Variants in PPARA observed in about 807,000 individuals in gnomAD.
PPARA encodes the protein peroxisome proliferator activated receptor alpha.
Under a neutral mutation model 42.2 loss-of-function variants are expected in PPARA, and 22 were observed. That is an observed-to-expected ratio of 0.52 (90% CI 0.37 to 0.74). The LOEUF is 0.74. Ranked by LOEUF, PPARA falls within the 30% of genes least tolerant of loss-of-function variation. PPARA has a pLI of 0.00. For synonymous variants in PPARA, 242 were observed against 239.3 expected, an observed-to-expected ratio of 1.01 and a Z score of -0.10; for missense variants, 465 against 608.2, an observed-to-expected ratio of 0.76 and a Z score of 2.48.
At position 46,199,487 on chromosome 22, in the gene PPARA, A is replaced by T. The variant is rs563575409; in HGVS notation, c.208+896A>T. 2.8e-3 allele frequency among the ~76,000 whole-genome samples: 429 copies of T among 151,982 alleles called. 1 individual carries two copies. Among genetic ancestry groups the T allele is most frequent in the African/African-American group, 9.6e-3 (397 of 41,462 alleles). ...ATCTATACAAAAAAAATTTAAAATT[A>T]AAAAAAATTAGCCAGGCATGGTGGT... On this transcript the variant is annotated intron_variant, in intron 4 of 8. Transcript: ENST00000407236.
At chr22:46,226,477 C>T (rs112717467) in intron 7 of PPARA, among the ~76,000 whole-genome samples, 56 of 152,262 alleles carry the variant, frequency 3.7e-4, no homozygotes, top group Middle Eastern at 3.4e-3. Context: ...AGGAATTGGG[C>T]GTGCCGTGTT....
At chr22:46,217,917 G>A (rs1333767500) in intron 5 of PPARA, among the ~76,000 whole-genome samples, 2 of 130,138 alleles carry the variant, frequency 1.5e-5, no homozygotes, top group Admixed American at 9.0e-5. Flanking sequence ...TGCAACCTCC[G>A]CCTCCTGGGT....
chr22:46,181,740 T>C (rs532844653), intron 3 of PPARA, among the ~76,000 whole-genome samples: 1 of 152,208 alleles, frequency 6.6e-6, no homozygotes, highest in East Asian at 1.9e-4. Context: ...CCAGATCAGT[T>C]CCCATACATC....
At position 46,213,500 on chromosome 22, in the gene PPARA, C is replaced by T. The variant is rs536773910; in HGVS notation, c.209-1673C>T. ...TCAGCTCACTACAACCTTTGCCTCC[C>T]GGGTCCAAGCGATTCCCCTGCCTCA... On this transcript the variant is annotated intron_variant, in intron 4 of 8. Coordinates refer to ENST00000407236, the MANE Select transcript of PPARA (RefSeq NM_005036.6). 4.5e-4 allele frequency among the ~76,000 whole-genome samples: 68 copies of T among 151,718 alleles called. 2 individuals are homozygous for T. In the South Asian group the frequency reaches 5.2e-3, roughly 12 times the overall value.
chr22:46,182,400 C>T lies in PPARA; in HGVS notation c.-43+5564C>T, dbSNP rs921379720. 4.6e-5 allele frequency among the ~76,000 whole-genome samples: 7 copies of T among 152,146 alleles called. No individual in the cohort carries two copies. The highest frequency in any genetic ancestry group is 8.8e-5 in the Non-Finnish European group (6 of 68,030). The stretch of plus-strand genomic sequence containing the variant: ...TCAAAAGGAATGGCCTATGAATACC[C>T]ATAACAACATGGATGAATGCTGAAA... On this transcript the variant is annotated intron_variant, in intron 3 of 8. Transcript: ENST00000407236. This position sits in a 1 kb window ranked among gnomAD's most constrained non-coding sequence, Gnocchi z 5.2.
chr22:46,218,576 G>A (rs947946363), intron 6 of PPARA, among the ~76,000 whole-genome samples, 175 bp downstream of exon 6: 2 of 152,146 alleles, frequency 1.3e-5, no homozygotes, highest in African/African-American at 4.8e-5. Flanking sequence ...GTTCACGCCT[G>A]TAATCCCAGC....
rs62226988 is a variant in PPARA at position 46,227,401 on chromosome 22, G to A, written c.712-4391G>A. ...TAAGTAGCTGGGATTACAGGTGCCA[G>A]CCACCACACCCGACTAATTTTTGTA... On this transcript the variant is annotated intron_variant, in intron 7 of 8. Transcript: ENST00000407236. The surrounding 1 kb of genome is among the most constrained non-coding windows in gnomAD (Gnocchi z 4.3). Among the ~76,000 whole-genome samples, 1 of 152,106 alleles carries A rather than the reference G, an allele frequency of 6.6e-6. No individual in the cohort carries two copies. The highest frequency in any genetic ancestry group is 1.5e-5 in the Non-Finnish European group (1 of 68,026).
rs966077889 is a variant in PPARA, at chr22:46,195,676, G to T, written c.-42-2666G>T. ...ACCTCAAATGTGAACATATTTTTAC[G>T]CAAATGCATTTAATGGGTGAATATT... is the stretch of plus-strand genomic sequence containing the variant. On this transcript the variant is annotated intron_variant, in intron 3 of 8. Transcript: ENST00000407236. The surrounding 1 kb of genome is among the most constrained non-coding windows in gnomAD (Gnocchi z 4.6). 6.6e-6 allele frequency among the ~76,000 whole-genome samples: 1 copy of T among 152,130 alleles called. No individual in the cohort carries two copies. Among genetic ancestry groups the T allele is most frequent in the African/African-American group, 2.4e-5 (1 of 41,426 alleles).
chr22:46,207,351 G>C (rs998228980), intron 4 of PPARA, among the ~76,000 whole-genome samples: 1 of 133,128 alleles, frequency 7.5e-6, no homozygotes, highest in African/African-American at 2.8e-5. Flanking sequence ...GTGCCATCTT[G>C]GCTCACTGCA....
intron 2 of PPARA, among the ~76,000 whole-genome samples, chr22:46,158,056 A>C (rs1409862082): frequency 1.3e-5 from 2 of 152,224 alleles, no homozygotes; most frequent in Admixed American, 6.5e-5. Flanking sequence ...AGATGAGGCT[A>C]TAGTAAAGCA....
chr22:46,150,795 G>C lies in PPARA; in HGVS notation c.-210+143G>C, dbSNP rs1254522628. On this transcript the variant is annotated intron_variant, in intron 1 of 8. Coordinates refer to ENST00000407236, the MANE Select transcript of PPARA (RefSeq NM_005036.6). This position sits in a 1 kb window ranked among gnomAD's most constrained non-coding sequence, Gnocchi z 7.5. ...GCATGCGCGGGGCCCGGGGTCTCGGGGTCTCCGGGTCCCGGGGACCCGGGG... is the reference window on the plus strand; with the variant it reads ...GCATGCGCGGGGCCCGGGGTCTCGGCGTCTCCGGGTCCCGGGGACCCGGGG... 6.6e-6 allele frequency: 1 copy of C among 151,254 alleles called. No homozygotes were observed. Among genetic ancestry groups the C allele is most frequent in the Non-Finnish European group, 1.5e-5 (1 of 67,756 alleles). The allele number at this position is 151,254 out of a possible 1,614,324, so 9.4% of individuals were successfully genotyped here.
At chr22:46,218,061 C>A (rs562881098) in intron 5 of PPARA, among the ~76,000 whole-genome samples, 1 of 151,926 alleles carries the variant, frequency 6.6e-6, no homozygotes, top group South Asian at 2.1e-4. Flanking sequence ...GAACTCCTGA[C>A]CTCAGGTGAT....
At chr22:46,220,130 C>G (rs1449986561) in intron 7 of PPARA, 116 bp downstream of exon 7, 2 of 1,183,454 alleles carry the variant, frequency 1.7e-6, no homozygotes, top group South Asian at 1.3e-5. Flanking sequence ...CACAGTTAAG[C>G]AAAGGACAGC....
rs940559462 is a variant in PPARA, at chr22:46,227,175, T to C, written c.712-4617T>C. Among the ~76,000 whole-genome samples the C allele has an allele frequency of 4.0e-5, 6 of 148,644 alleles. No homozygotes were observed. The highest frequency in any genetic ancestry group is 1.5e-4 in the African/African-American group (6 of 39,404). ...ATTTTATGCCATTTCTACAAATGTA[T>C]AGTAAAACATAACCAAGAGAGCTTA... On this transcript the variant is annotated intron_variant, in intron 7 of 8. Coordinates refer to ENST00000407236, the MANE Select transcript of PPARA (RefSeq NM_005036.6). This position sits in a 1 kb window ranked among gnomAD's most constrained non-coding sequence, Gnocchi z 4.3.
At chr22:46,208,550 A>C (rs76530582) in intron 4 of PPARA, among the ~76,000 whole-genome samples, 1 of 148,020 alleles carries the variant, frequency 6.8e-6, no homozygotes, top group East Asian at 1.9e-4. Flanking sequence ...TCCATCTCAA[A>C]AAAAAAAAAA....
Position 46,192,306 on chromosome 22 carries a change from CT to C in PPARA, c.-42-6035del, listed in dbSNP as rs1569213042. Among the ~76,000 whole-genome samples the C allele has an allele frequency of 6.6e-6, 1 of 152,204 alleles. No homozygotes were observed. Among genetic ancestry groups the C allele is most frequent in the Non-Finnish European group, 1.5e-5 (1 of 68,032 alleles). ...GGGTTTCATGAAGGAAGAGCTTCTT[CT>C]CCCATTTATAACTCATTTTAGCCTA... On this transcript the variant is annotated intron_variant, in intron 3 of 8. Coordinates refer to ENST00000407236, the MANE Select transcript of PPARA (RefSeq NM_005036.6). The surrounding 1 kb of genome is among the most constrained non-coding windows in gnomAD (Gnocchi z 4.3).
rs753082334 is a variant in PPARA, at chr22:46,211,571, C to G, written c.209-3602C>G. 1.3e-5 allele frequency among the ~76,000 whole-genome samples: 2 copies of G among 152,198 alleles called. No homozygotes were observed. Among genetic ancestry groups the G allele is most frequent in the Non-Finnish European group, 2.9e-5 (2 of 68,042 alleles). On this transcript the variant is annotated intron_variant, in intron 4 of 8. Coordinates refer to ENST00000407236, the MANE Select transcript of PPARA (RefSeq NM_005036.6). The surrounding 1 kb of genome is among the most constrained non-coding windows in gnomAD (Gnocchi z 4.1). ...TGCATTTCACCCTGGGATCCTCCAA[C>G]CTCCTAAGTTATTTTTGTTTTATTT... is the stretch of plus-strand genomic sequence containing the variant.
Position 46,231,681 on chromosome 22 carries a change from G to A in PPARA, c.712-111G>A, listed in dbSNP as rs1935882634. On this transcript the variant is annotated intron_variant, in intron 7 of 8. Coordinates refer to ENST00000407236, the MANE Select transcript of PPARA (RefSeq NM_005036.6). The surrounding 1 kb of genome is among the most constrained non-coding windows in gnomAD (Gnocchi z 7.7). ...GTTCCGCGGGTATCTTGAGTCCTCT[G>A]AGGCACTGAGCTTGGTGATTTGGAC... 2 of 1,124,780 alleles carry A rather than the reference G, an allele frequency of 1.8e-6. No individual in the cohort carries two copies. Among genetic ancestry groups the A allele is most frequent in the Non-Finnish European group, 2.6e-6 (2 of 759,714 alleles). 69.7% of individuals were successfully genotyped at this position (1,124,780 alleles called of 1,614,324 possible). A position where few individuals can be genotyped will look rare whatever the true frequency, so the allele number is the denominator to read the frequency against.
chr22:46,198,658 C>CTTTTTTTTTTTTTTTTTTTT (rs777398787), intron 4 of PPARA, 67 bp downstream of exon 4: 1 of 695,516 alleles, frequency 1.4e-6, no homozygotes, highest in African/African-American at 2.3e-5. Context: ...ACTGTTCTCT[C>CTTTTTTTTTTTTTTTTTTTT]TTTTTTTTTT....
Sources: gnomAD v4.1 joint callset for allele counts (sites outside exome capture counted in the v4.1 genomes callset) on GRCh38, gnomAD v4.1.1 for gene constraint, Gnocchi (gnomAD v3.1) non-coding constraint, MANE v1.5 for transcripts, NCBI Gene and HGNC (gene_info 2026-07-23, HGNC 2026-07-21) for gene names.